The following PTPRZ1 variants were observed in gnomAD, a reference collection of about 807,000 sequenced individuals.
The protein encoded by PTPRZ1 is protein tyrosine phosphatase receptor type Z1.
PTPRZ1 carries 82 observed loss-of-function variants against 214.1 expected under a neutral mutation model. The ratio of observed to expected loss-of-function variants is 0.38; its 90% confidence interval spans 0.32 to 0.46. The LOEUF (loss-of-function observed/expected upper bound fraction) is 0.46. Among genes scored for constraint, PTPRZ1 ranks in the 20% least tolerant of loss-of-function variants. The pLI is 1.00. For missense variants in PTPRZ1, 2,603 were observed against 2,748.7 expected (o/e 0.95, Z 1.19); for synonymous variants, 945 against 987.9 (o/e 0.96, Z 0.81).
At chr7:121,947,749 T>C (rs2116445116) in intron 2 of PTPRZ1, among the ~76,000 whole-genome samples, 1 of 152,322 alleles carries the variant, frequency 6.6e-6, no homozygotes, top group South Asian at 2.1e-4. Context: ...TAGCCTCTAT[T>C]TGAAGATTTT....
At chr7:122,015,749 T>C (rs540645640) in intron 12 of PTPRZ1, among the ~76,000 whole-genome samples, 83 of 152,162 alleles carry the variant, frequency 5.5e-4, no homozygotes, top group African/African-American at 1.9e-3. Flanking sequence ...GACTAAAGCT[T>C]AGCAAATTTC....
At chr7:121,894,684 G>A (rs1171787485) in intron 1 of PTPRZ1, among the ~76,000 whole-genome samples, 1 of 152,200 alleles carries the variant, frequency 6.6e-6, no homozygotes, top group African/African-American at 2.4e-5. Flanking sequence ...GGCATTGCAG[G>A]TGTGAGCCAC....
Position 122,039,605 on chromosome 7 carries a change from A to T in PTPRZ1, c.5637+17A>T. ...ATAAAAAAGGTGAGTCAACAAAATG[A>T]TGGGCATAATCAAGTGAACAATGCA... On this transcript the variant is annotated intron_variant, in intron 20 of 29. Transcript: ENST00000393386. 6.2e-7 allele frequency: 1 copy of T among 1,611,730 alleles called. No individual in the cohort carries two copies. Among genetic ancestry groups the T allele is most frequent in the East Asian group, 2.2e-5 (1 of 44,834 alleles).
In PTPRZ1 at chr7:121,957,239, T is replaced by G. The variant is rs374123195; in HGVS notation, c.125-10712T>G. On this transcript the variant is annotated intron_variant, in intron 2 of 29. Transcript: ENST00000393386. Reference sequence around the variant, plus strand: ...TTGGAGGAGCAGGTTTAGCAGACAATCTCGCGGATCTTCTCTGTGGTTCAT... The same window carrying G: ...TTGGAGGAGCAGGTTTAGCAGACAAGCTCGCGGATCTTCTCTGTGGTTCAT... 1.3e-4 allele frequency among the ~76,000 whole-genome samples: 20 copies of G among 152,254 alleles called. No individual in the cohort carries two copies. In the East Asian group the frequency reaches 2.1e-3, roughly 16 times the overall value.
At chr7:121,961,110 A>C (rs919291660) in intron 2 of PTPRZ1, among the ~76,000 whole-genome samples, 8 of 152,220 alleles carry the variant, frequency 5.3e-5, no homozygotes, top group Admixed American at 4.6e-4. Flanking sequence ...GACAAATAGG[A>C]GATGTCTATG....
intron 9 of PTPRZ1, among the ~76,000 whole-genome samples, chr7:121,997,312 TATTA>T (rs1210616335): frequency 1.3e-5 from 2 of 152,298 alleles, no homozygotes; most frequent in Non-Finnish European, 1.5e-5. Flanking sequence ...AAAAATGCAC[TATTA>T]ATTATGTTTC....
At chr7:121,976,648 C>A in intron 5 of PTPRZ1, 137 bp from the exon 6 acceptor site, 1 of 622,762 alleles carries the variant, frequency 1.6e-6, no homozygotes, top group Non-Finnish European at 2.6e-6. Flanking sequence ...TTTCACCTAG[C>A]TATAAAAAAA....
intron 1 of PTPRZ1, among the ~76,000 whole-genome samples, chr7:121,880,961 G>A (rs561995345): frequency 3.2e-4 from 49 of 152,246 alleles, no homozygotes; most frequent in African/African-American, 1.0e-3. Context: ...CATTTATCTA[G>A]GTTGATAATT....
intron 2 of PTPRZ1, among the ~76,000 whole-genome samples, chr7:121,931,686 A>G (rs776966520): frequency 1.7e-4 from 26 of 152,276 alleles, no homozygotes; most frequent in Non-Finnish European, 3.5e-4. Context: ...ACCATTGTGC[A>G]ATATCTTATT....
intron 11 of PTPRZ1, among the ~76,000 whole-genome samples, chr7:122,007,940 G>A (rs780753192): frequency 1.5e-4 from 23 of 152,044 alleles, no homozygotes; most frequent in Non-Finnish European, 2.5e-4. Context: ...ACCTTACAGC[G>A]ATCAACAAGA....
Position 122,032,945 on chromosome 7 carries a change from G to A in PTPRZ1, c.5167-1150G>A, listed in dbSNP as rs1010705829. ...TAGTGTTAACTCAATGTTAATTTTA[G>A]TGTTAACTGATAGAAATTATCAGGC... On this transcript the variant is annotated intron_variant, in intron 15 of 29. Coordinates refer to ENST00000393386, the MANE Select transcript of PTPRZ1 (RefSeq NM_002851.3). Among the ~76,000 whole-genome samples, 5 of 151,956 alleles carry A rather than the reference G, an allele frequency of 3.3e-5. No homozygotes were observed. The East Asian group carries it at 9.6e-4, about 29-fold the overall frequency.
rs1584786603 is a variant in PTPRZ1 at position 122,058,719 on chromosome 7, T to A, written c.6529-81T>A. Reference sequence around the variant, plus strand: ...CTGCCATTGGGTTTTATTACCTTACTGTAATTCCTGATTTTCCTCAATGAT... The same window carrying A: ...CTGCCATTGGGTTTTATTACCTTACAGTAATTCCTGATTTTCCTCAATGAT... On this transcript the variant is annotated intron_variant, in intron 27 of 29. Transcript: ENST00000393386. 3.9e-6 allele frequency: 5 copies of A among 1,289,254 alleles called. No individual in the cohort carries two copies. The East Asian group carries it at 1.2e-4, about 31-fold the overall frequency. 79.9% of individuals were successfully genotyped at this position (1,289,254 alleles called of 1,614,324 possible).
At chr7:121,949,364 T>G (rs562939193) in intron 2 of PTPRZ1, among the ~76,000 whole-genome samples, 1 of 152,168 alleles carries the variant, frequency 6.6e-6, no homozygotes. Flanking sequence ...GCCCCAAGTT[T>G]TTTTTCCTTT....
rs187879897 is a variant in PTPRZ1, at chr7:121,892,944, T to C, written c.58+19387T>C. ...AAATTATACACAATCATTGCAAATA[T>C]TCAGAAATAACAAAATATATAAAAT... is the stretch of plus-strand genomic sequence containing the variant. On this transcript the variant is annotated intron_variant, in intron 1 of 29. Coordinates refer to ENST00000393386, the MANE Select transcript of PTPRZ1 (RefSeq NM_002851.3). 2.3e-3 allele frequency among the ~76,000 whole-genome samples: 350 copies of C among 151,950 alleles called. 1 individual carries two copies. The highest frequency in any genetic ancestry group is 7.8e-3 in the African/African-American group (324 of 41,480).
rs746385012 is a variant in PTPRZ1 at position 122,051,359 on chromosome 7, A to ATG, written c.6085-55_6085-54dup. ...GGTGTGTGTGTGTGTGTCTGTATGT[A>ATG]TGTGTGTGTGTGTGTATTTGGGGGA... On this transcript the variant is annotated intron_variant, in intron 23 of 29. Coordinates refer to ENST00000393386, the MANE Select transcript of PTPRZ1 (RefSeq NM_002851.3). 658 of 930,516 alleles carry ATG rather than the reference A, an allele frequency of 7.1e-4. 5 individuals carry two copies. The highest frequency in any genetic ancestry group is 2.9e-3 in the African/African-American group (173 of 60,596). The allele number at this position is 930,516 out of a possible 1,614,324, so 57.6% of individuals were successfully genotyped here. A position where few individuals can be genotyped will look rare whatever the true frequency, so the allele number is the denominator to read the frequency against.
intron 1 of PTPRZ1, chr7:121,908,634 T>C (rs1446782112): frequency 5.1e-5 from 21 of 410,786 alleles, no homozygotes. Context: ...CAAGTAACCA[T>C]ACTTCAAGTA....
chr7:122,055,683 A>G (rs1792328968), intron 27 of PTPRZ1, among the ~76,000 whole-genome samples: 1 of 151,914 alleles, frequency 6.6e-6, no homozygotes, highest in African/African-American at 2.4e-5. Flanking sequence ...ACTAAACTTA[A>G]TTATATGCAA....
At chr7:121,914,748 A>C (rs1795369804) in intron 1 of PTPRZ1, among the ~76,000 whole-genome samples, 2 of 152,170 alleles carry the variant, frequency 1.3e-5, no homozygotes, top group South Asian at 4.1e-4. Context: ...GTGAAATAAT[A>C]TCCTCAATGC....
At chr7:121,895,437 A>G (rs1303142632) in intron 1 of PTPRZ1, among the ~76,000 whole-genome samples, 2 of 152,230 alleles carry the variant, frequency 1.3e-5, no homozygotes, top group African/African-American at 2.4e-5. Flanking sequence ...GAATTTTTGC[A>G]GCCCATTTGC....
Sources: gnomAD v4.1 joint callset for allele counts (sites outside exome capture counted in the v4.1 genomes callset) on GRCh38, gnomAD v4.1.1 for gene constraint, MANE v1.5 for transcripts, NCBI Gene and HGNC (gene_info 2026-07-23, HGNC 2026-07-21) for gene names.